FER: variants seen among roughly 807,000 people sequenced by gnomAD.
FER encodes FER tyrosine kinase.
FER carries 63 observed loss-of-function variants against 111.0 expected under a neutral mutation model. That is an observed-to-expected ratio of 0.57 (90% CI 0.46 to 0.70). The LOEUF is 0.70. Ranked by LOEUF, FER falls within the 30% of genes least tolerant of loss-of-function variation. FER has a pLI of 0.00. For synonymous variants in FER, 327 were observed against 313.9 expected, an observed-to-expected ratio of 1.04 and a Z score of -0.44; for missense variants, 914 against 954.0, an observed-to-expected ratio of 0.96 and a Z score of 0.55.
chr5:109,154,394 T>A (rs1213911713), intron 17 of FER, among the ~76,000 whole-genome samples: 1 of 152,074 alleles, frequency 6.6e-6, no homozygotes, highest in East Asian at 1.9e-4. Context: ...AAATGATTTC[T>A]GTGTTCCAAT....
chr5:109,175,954 AG>A (rs1757639084), intron 17 of FER, among the ~76,000 whole-genome samples: 1 of 152,178 alleles, frequency 6.6e-6, no homozygotes, highest in South Asian at 2.1e-4. Context: ...ACTCCAGCCC[AG>A]GCGACAGAGC....
At chr5:108,976,549 CA>C (rs1281834894) in intron 13 of FER, among the ~76,000 whole-genome samples, 3 of 152,090 alleles carry the variant, frequency 2.0e-5, no homozygotes, top group Admixed American at 6.6e-5. Flanking sequence ...TGACCCCCTG[CA>C]TAGTCAAAAA....
At chr5:109,176,369 A>G (rs1174865984) in intron 17 of FER, among the ~76,000 whole-genome samples, 4 of 152,184 alleles carry the variant, frequency 2.6e-5, no homozygotes, top group Non-Finnish European at 4.4e-5. Context: ...GTTAAGCAAA[A>G]TAAGTAAGGC....
intron 13 of FER, among the ~76,000 whole-genome samples, chr5:109,013,326 G>A (rs113672161): frequency 0.11 from 16,406 of 147,874 alleles, 988 homozygotes; most frequent in Non-Finnish European, 0.14. Flanking sequence ...GAGAACTTGC[G>A]GTGTTTGGTT....
At chr5:109,096,761 GGTCAGGTTAA>G (rs1317245259) in intron 16 of FER, among the ~76,000 whole-genome samples, 1 of 151,652 alleles carries the variant, frequency 6.6e-6, no homozygotes, top group Non-Finnish European at 1.5e-5. Context: ...TATTACTGAG[GGTCAGGTTAA>G]GTCAGGTTAA....
chr5:108,898,643 C>T (rs1749539256), intron 10 of FER, among the ~76,000 whole-genome samples: 1 of 134,230 alleles, frequency 7.4e-6, no homozygotes, highest in Non-Finnish European at 1.6e-5. Context: ...TTTTCTTTTT[C>T]TTTCCTTTCT....
rs1581637435 is a variant in FER, at chr5:109,010,826, T to C, written c.1657-26596T>C. On this transcript the variant is annotated intron_variant, in intron 13 of 19. Transcript: ENST00000281092. Reference sequence around the variant, plus strand: ...ATTCAGGTTTCCATTATTCTTTGTATTTTAATACTAGTATTTGAGTAATTT... The same window carrying C: ...ATTCAGGTTTCCATTATTCTTTGTACTTTAATACTAGTATTTGAGTAATTT... 2.0e-5 allele frequency among the ~76,000 whole-genome samples: 3 copies of C among 152,328 alleles called. No individual in the cohort carries two copies. In the East Asian group the frequency reaches 5.8e-4, roughly 29 times the overall value.
intron 17 of FER, among the ~76,000 whole-genome samples, chr5:109,146,613 A>G (rs1236886728): frequency 6.6e-6 from 1 of 152,016 alleles, no homozygotes; most frequent in African/African-American, 2.4e-5. Flanking sequence ...CATGTATGAC[A>G]TGACATGGAT....
At chr5:109,053,767 T>A (rs1181840165) in intron 16 of FER, among the ~76,000 whole-genome samples, 1 of 147,402 alleles carries the variant, frequency 6.8e-6, no homozygotes, top group Non-Finnish European at 1.5e-5. Flanking sequence ...CTTGGCTCAC[T>A]GCAAGCTCCG....
chr5:108,756,629 TTATTAA>T (rs1751141199), intron 1 of FER, among the ~76,000 whole-genome samples: 1 of 152,030 alleles, frequency 6.6e-6, no homozygotes, highest in Admixed American at 6.6e-5. Flanking sequence ...TCAATATAAC[TTATTAA>T]TATACTATAT....
At chr5:108,944,045 T>C (rs1232069570) in intron 10 of FER, among the ~76,000 whole-genome samples, 1 of 152,114 alleles carries the variant, frequency 6.6e-6, no homozygotes, top group Non-Finnish European at 1.5e-5. Flanking sequence ...AGAGTTCTTT[T>C]TAACTGATAA....
At chr5:108,860,705 T>A (rs1007630976) in intron 5 of FER, among the ~76,000 whole-genome samples, 6 of 152,210 alleles carry the variant, frequency 3.9e-5, no homozygotes, top group African/African-American at 1.4e-4. Flanking sequence ...TGTAGAGTAA[T>A]AAGTAAAATT....
At chr5:108,999,260 G>T (rs1056847438) in intron 13 of FER, among the ~76,000 whole-genome samples, 1 of 151,934 alleles carries the variant, frequency 6.6e-6, no homozygotes, top group Non-Finnish European at 1.5e-5. Context: ...TTTATCATTT[G>T]TTACGTTTTA....
intron 3 of FER, chr5:108,819,662 G>A: frequency 2.8e-6 from 1 of 362,014 alleles, no homozygotes; most frequent in Admixed American, 6.4e-5. Context: ...ATTTAGATAA[G>A]CAAAGTTAGC....
chr5:108,849,478 G>A (rs76411253), intron 5 of FER, among the ~76,000 whole-genome samples: 8 of 151,508 alleles, frequency 5.3e-5, no homozygotes, highest in South Asian at 4.2e-4. Context: ...TGTTGTTGTT[G>A]TTTTGTTTTG....
chr5:109,084,019 G>C (rs1777283322), intron 16 of FER, among the ~76,000 whole-genome samples: 1 of 151,936 alleles, frequency 6.6e-6, no homozygotes, highest in Non-Finnish European at 1.5e-5. Context: ...ATAATACACA[G>C]CAGAGAACAC....
intron 13 of FER, among the ~76,000 whole-genome samples, chr5:108,967,118 G>C (rs977880797): frequency 6.6e-6 from 1 of 152,130 alleles, no homozygotes; most frequent in African/African-American, 2.4e-5. Context: ...CACTTGGCCT[G>C]CCCGGGCCAA....
rs547389325 is a variant in FER at position 108,993,287 on chromosome 5, G to A, written c.1656+33940G>A. ...TGAACGAGACTCTGTCTGCAATCCC[G>A]GCACCTCGGGAGGCCGAGGCTGGCG... On this transcript the variant is annotated intron_variant, in intron 13 of 19. Transcript: ENST00000281092. Among the ~76,000 whole-genome samples the A allele has an allele frequency of 4.6e-3, 700 of 152,350 alleles. 5 individuals are homozygous for A. The highest frequency in any genetic ancestry group is 0.016 in the African/African-American group (662 of 41,590).
At chr5:108,912,472 A>C (rs1035485498) in intron 10 of FER, among the ~76,000 whole-genome samples, 2 of 152,006 alleles carry the variant, frequency 1.3e-5, no homozygotes, top group African/African-American at 2.4e-5. Context: ...AGAGATTCTC[A>C]TGCCTCAGCC....
Sources: gnomAD v4.1 joint callset for allele counts (sites outside exome capture counted in the v4.1 genomes callset) on GRCh38, gnomAD v4.1.1 for gene constraint, MANE v1.5 for transcripts, NCBI Gene and HGNC (gene_info 2026-07-23, HGNC 2026-07-21) for gene names.